KCNQ4: variants seen among roughly 807,000 people sequenced by gnomAD.
The protein encoded by KCNQ4 is potassium voltage-gated channel subfamily Q member 4.
Under a neutral mutation model 72.6 loss-of-function variants are expected in KCNQ4, and 31 were observed. That is an observed-to-expected ratio of 0.43 (90% CI 0.32 to 0.58). KCNQ4 has a LOEUF of 0.58. KCNQ4 is among the 20% of genes least tolerant of loss of function. The pLI is 0.08. For missense variants in KCNQ4, 869 were observed against 962.6 expected (o/e 0.90, Z 1.29); for synonymous variants, 405 against 403.7 (o/e 1.00, Z -0.04).
chr1:40,824,228 C>A lies in KCNQ4; in HGVS notation c.1262C>A (p.Pro421Gln), dbSNP rs750942862. Residue 421 changes from proline (P) to glutamine (Q), a missense_variant, in exon 9 of 14, where the codon CCG becomes CAG. This residue lies in a region of KCNQ4 where 480 missense variants were observed against 501.9 expected (regional missense o/e 0.96). Transcript: ENST00000347132. ...CCGCCCGTTGCCACCTGCCACCGGC[C>A]GGGCAGCACCTCCTTCTGCCCTGGG... The part of the protein sequence containing the change: ...RYPPVATCHR[P>Q]GSTSFCPGES... 30 of 1,607,858 alleles carry A rather than the reference C, an allele frequency of 1.9e-5. No individual in the cohort carries two copies. Among genetic ancestry groups the A allele is most frequent in the Admixed American group, 3.4e-5 (2 of 59,684 alleles).
intron 9 of KCNQ4, among the ~76,000 whole-genome samples, chr1:40,830,585 A>G (rs111572099): frequency 9.5e-4 from 143 of 150,328 alleles, no homozygotes; most frequent in African/African-American, 2.5e-3. Context: ...GCATGCGCGC[A>G]CACACACACA....
At position 40,818,591 on chromosome 1, in the gene KCNQ4, C is replaced by A. The variant is rs750383779; in HGVS notation, c.619C>A (p.Arg207Ser). The change falls in exon 4 of 14, where the codon CGC (arginine) becomes AGC (serine). Residue 207 changes from arginine (R) to serine (S), a missense_variant. Arg to Ser is a moderately radical substitution (Grantham distance 110). Coordinates refer to ENST00000347132, the MANE Select transcript of KCNQ4 (RefSeq NM_004700.4). Reference sequence around the variant, plus strand: ...CGCCACGTCCGCGCTGCGCAGCATGCGCTTCCTGCAGATCCTGCGCATGGT... The same window carrying A: ...CGCCACGTCCGCGCTGCGCAGCATGAGCTTCCTGCAGATCCTGCGCATGGT... ...IFATSALRSM[R>S]FLQILRMVRM... The A allele has an allele frequency of 6.2e-7, 1 of 1,606,278 alleles. No individual in the cohort carries two copies. The highest frequency in any genetic ancestry group is 1.7e-5 in the Admixed American group (1 of 60,000).
chr1:40,822,440 G>C lies in KCNQ4; in HGVS notation c.1130+38G>C, dbSNP rs751246641. The C allele has an allele frequency of 4.9e-6, 7 of 1,417,924 alleles. No homozygotes were observed. The Admixed American group carries it at 1.3e-4, about 25-fold the overall frequency. The allele number at this position is 1,417,924 out of a possible 1,614,324, so 87.8% of individuals were successfully genotyped here. ...GGGGGTGGGGGTGGGTGGGGGGCTG[G>C]CAGCAATGCCCTTTGAGGACAAGTG... On this transcript the variant is annotated intron_variant, in intron 8 of 13. Coordinates refer to ENST00000347132, the MANE Select transcript of KCNQ4 (RefSeq NM_004700.4).
intron 7 of KCNQ4, among the ~76,000 whole-genome samples, chr1:40,822,111 C>G (rs1448825943): frequency 6.6e-6 from 1 of 152,224 alleles, no homozygotes; most frequent in Non-Finnish European, 1.5e-5. Flanking sequence ...TGACATTGAT[C>G]TGCTTTGTCC....
At chr1:40,792,824 CAG>C (rs943161903) in intron 1 of KCNQ4, among the ~76,000 whole-genome samples, 1 of 152,024 alleles carries the variant, frequency 6.6e-6, no homozygotes, top group African/African-American at 2.4e-5. Flanking sequence ...ATTTTACAGA[CAG>C]GGGGATTAAG....
Position 40,817,676 on chromosome 1 carries a change from G to A in KCNQ4, c.405+321G>A, listed in dbSNP as rs1324306483. 1.3e-5 allele frequency among the ~76,000 whole-genome samples: 2 copies of A among 152,222 alleles called. No individual in the cohort carries two copies. The highest frequency in any genetic ancestry group is 2.9e-5 in the Non-Finnish European group (2 of 68,040). On this transcript the variant is annotated intron_variant, in intron 2 of 13. Coordinates refer to ENST00000347132, the MANE Select transcript of KCNQ4 (RefSeq NM_004700.4). The surrounding 1 kb of genome is among the most constrained non-coding windows in gnomAD (Gnocchi z 5.5). ...TCTCCACTTTATAGCAAGTGTTGGG[G>A]GACCTCCTGCCTCTATGCAAGGGCT...
intron 4 of KCNQ4, chr1:40,819,089 G>C: frequency 1.9e-6 from 1 of 533,018 alleles, no homozygotes; most frequent in South Asian, 2.0e-5. Context: ...GCCGGGTGCT[G>C]GAGTCCTGAG....
chr1:40,798,706 C>G (rs1202115041), intron 1 of KCNQ4, among the ~76,000 whole-genome samples: 1 of 152,192 alleles, frequency 6.6e-6, no homozygotes, highest in Non-Finnish European at 1.5e-5. Flanking sequence ...CTCAACGAGA[C>G]CCATCGTCAG....
chr1:40,829,262 C>A (rs1031535537), intron 9 of KCNQ4, among the ~76,000 whole-genome samples: 4 of 152,152 alleles, frequency 2.6e-5, no homozygotes, highest in Non-Finnish European at 5.9e-5. Flanking sequence ...GGGTGCTTGC[C>A]AGCATGAGGG....
At chr1:40,811,431 A>T (rs902584302) in intron 1 of KCNQ4, among the ~76,000 whole-genome samples, 2 of 152,210 alleles carry the variant, frequency 1.3e-5, no homozygotes, top group African/African-American at 4.8e-5. Context: ...CAGCAATAGT[A>T]TCACCAGGGA....
At chr1:40,828,936 C>T (rs899208508) in intron 9 of KCNQ4, among the ~76,000 whole-genome samples, 1 of 152,256 alleles carries the variant, frequency 6.6e-6, no homozygotes, top group African/African-American at 2.4e-5. Flanking sequence ...CCCCACAAAC[C>T]AGACTGGAAG....
chr1:40,826,553 C>G (rs528072629), intron 9 of KCNQ4: 61 of 413,612 alleles, frequency 1.5e-4, no homozygotes, highest in African/African-American at 1.0e-3. Context: ...TACCGGAGGC[C>G]GGCCCCATCC....
intron 1 of KCNQ4, among the ~76,000 whole-genome samples, chr1:40,795,841 G>A (rs1268005232): frequency 6.6e-6 from 1 of 152,214 alleles, no homozygotes; most frequent in Non-Finnish European, 1.5e-5. Flanking sequence ...CCAGGCTAGA[G>A]TTCTAAGCAC....
intron 1 of KCNQ4, among the ~76,000 whole-genome samples, chr1:40,805,640 GA>G (rs1570813503): frequency 6.6e-6 from 1 of 151,906 alleles, no homozygotes; most frequent in Non-Finnish European, 1.5e-5. Flanking sequence ...GTGGGGAGGG[GA>G]AAAGAGCGCG....
At chr1:40,802,815 G>A (rs909264998) in intron 1 of KCNQ4, among the ~76,000 whole-genome samples, 1 of 152,214 alleles carries the variant, frequency 6.6e-6, no homozygotes, top group Non-Finnish European at 1.5e-5. Flanking sequence ...CCTGCCTCCA[G>A]ACTGCCGGAC....
At chr1:40,803,606 C>T (rs1181834919) in intron 1 of KCNQ4, among the ~76,000 whole-genome samples, 2 of 152,176 alleles carry the variant, frequency 1.3e-5, no homozygotes, top group African/African-American at 4.8e-5. Flanking sequence ...TCCCAACCAC[C>T]CTTCCACCTT....
In KCNQ4 at chr1:40,818,688, C is replaced by A. The variant is rs751140371; in HGVS notation, c.708+8C>A. On this transcript the variant is annotated splice_region_variant and intron_variant, in intron 4 of 13. Coordinates refer to ENST00000347132, the MANE Select transcript of KCNQ4 (RefSeq NM_004700.4). ...GTCTACGCGCATAGCAAGGTGAGGC[C>A]TGCAAGCCGCGCGCGGAGACCCGAG... The A allele has an allele frequency of 1.3e-6, 2 of 1,588,078 alleles. No homozygotes were observed. The highest frequency in any genetic ancestry group is 2.2e-5 in the South Asian group (2 of 88,994).
chr1:40,819,076 T>C (rs1648194130), intron 4 of KCNQ4: 1 of 494,548 alleles, frequency 2.0e-6, no homozygotes, highest in Non-Finnish European at 3.7e-6. Flanking sequence ...CGGGGCAAGG[T>C]AGGCCGGGTG....
chr1:40,829,380 C>A (rs920576744), intron 9 of KCNQ4, among the ~76,000 whole-genome samples: 4 of 152,150 alleles, frequency 2.6e-5, no homozygotes, highest in Admixed American at 1.3e-4. Flanking sequence ...GGAGAGCATG[C>A]TGGATAGTGG....
Sources: gnomAD v4.1 joint callset for allele counts (sites outside exome capture counted in the v4.1 genomes callset) on GRCh38, gnomAD v4.1.1 for gene constraint, gnomAD v4.1.1 regional missense constraint, Gnocchi (gnomAD v3.1) non-coding constraint, MANE v1.5 for transcripts, NCBI Gene and HGNC (gene_info 2026-07-23, HGNC 2026-07-21) for gene names.